The following CCDC18 variants were observed in gnomAD, a reference collection of about 807,000 sequenced individuals.
The protein encoded by CCDC18 is coiled-coil domain-containing protein 18.
Under a neutral mutation model 196.0 loss-of-function variants are expected in CCDC18, and 157 were observed. The observed-to-expected ratio is 0.80, with a 90% CI of 0.70 to 0.91. CCDC18 has a LOEUF of 0.91. CCDC18 is among the 40% of genes least tolerant of loss of function. The probability of loss-of-function intolerance (pLI) is 0.00; values close to 1 mark genes in which losing one functional copy is unlikely to be tolerated. For missense variants in CCDC18, 1,465 were observed against 1,611.6 expected (o/e 0.91, Z 1.56); for synonymous variants, 482 against 529.2 (o/e 0.91, Z 1.22).
intron 21 of CCDC18, among the ~76,000 whole-genome samples, chr1:93,244,491 T>G (rs982414063): frequency 6.6e-6 from 1 of 152,224 alleles, no homozygotes; most frequent in Non-Finnish European, 1.5e-5. Context: ...ATTCCATTTA[T>G]ATGAAATATT....
chr1:93,225,073 G>A (rs1658063622), intron 16 of CCDC18, among the ~76,000 whole-genome samples: 2 of 152,124 alleles, frequency 1.3e-5, no homozygotes, highest in South Asian at 2.1e-4. Context: ...ATTTCATGAT[G>A]TAGAATAGAA....
chr1:93,255,657 G>C (rs928542140), intron 24 of CCDC18, among the ~76,000 whole-genome samples: 2 of 152,048 alleles, frequency 1.3e-5, no homozygotes, highest in African/African-American at 4.8e-5. Flanking sequence ...GATTGCTTGA[G>C]CCTGGGAGGT....
At chr1:93,180,198 G>T, upstream of CCDC18, 1 of 1,613,258 alleles carries the variant, frequency 6.2e-7, no homozygotes, top group Non-Finnish European at 8.5e-7. Flanking sequence ...GAGGCAGAGC[G>T]GCCAGAAGGA....
At chr1:93,211,868 G>A (rs2102005738) in intron 10 of CCDC18, among the ~76,000 whole-genome samples, 1 of 152,048 alleles carries the variant, frequency 6.6e-6, no homozygotes, top group East Asian at 1.9e-4. Context: ...GAAATTGCTG[G>A]GTCATACAGT....
At chr1:93,271,757 T>C (rs191009557) in intron 28 of CCDC18, among the ~76,000 whole-genome samples, 354 of 152,358 alleles carry the variant, frequency 2.3e-3, no homozygotes, top group Non-Finnish European at 4.0e-3. Context: ...GTCTCTTGAA[T>C]ATTAAATTTA....
intron 19 of CCDC18, among the ~76,000 whole-genome samples, chr1:93,237,410 A>G (rs1179121284): frequency 4.6e-5 from 7 of 152,084 alleles, no homozygotes; most frequent in African/African-American, 1.7e-4. Context: ...ACTAATTCCC[A>G]AAAAACTCTC....
intron 27 of CCDC18, among the ~76,000 whole-genome samples, chr1:93,265,413 G>A (rs942773478): frequency 4.3e-4 from 66 of 152,226 alleles, no homozygotes; most frequent in African/African-American, 1.5e-3. Context: ...TTAATTTAAT[G>A]TATTCAGTGT....
chr1:93,275,474 A>C (rs1665572898), intron 28 of CCDC18, among the ~76,000 whole-genome samples: 1 of 152,204 alleles, frequency 6.6e-6, no homozygotes, highest in Non-Finnish European at 1.5e-5. Flanking sequence ...TCCTCGGCTT[A>C]TTTCACCTGC....
intron 24 of CCDC18, 76 bp downstream of exon 24, chr1:93,254,690 G>C: frequency 7.1e-7 from 1 of 1,411,198 alleles, no homozygotes; most frequent in Admixed American, 2.1e-5. Flanking sequence ...TTTTAAACTG[G>C]TTGGTTTTAA....
At chr1:93,197,508 A>G (rs1389360194) in intron 6 of CCDC18, among the ~76,000 whole-genome samples, 1 of 151,978 alleles carries the variant, frequency 6.6e-6, no homozygotes, top group Non-Finnish European at 1.5e-5. Flanking sequence ...CTGAATAAAT[A>G]TATGTGTGTG....
chr1:93,270,990 G>C, intron 28 of CCDC18, 176 bp downstream of exon 28: 2 of 983,298 alleles, frequency 2.0e-6, no homozygotes, highest in Non-Finnish European at 2.4e-6. Flanking sequence ...CTATTGCATG[G>C]TGTGAGACAA....
chr1:93,191,231 A>G (rs1651731697), intron 4 of CCDC18, among the ~76,000 whole-genome samples: 1 of 152,080 alleles, frequency 6.6e-6, no homozygotes, highest in African/African-American at 2.4e-5. Flanking sequence ...GCTGTACTTC[A>G]TTCCTGCTCA....
intron 14 of CCDC18, 69 bp from the exon 15 acceptor site, chr1:93,221,540 T>A: frequency 9.5e-7 from 1 of 1,049,142 alleles, no homozygotes; most frequent in Non-Finnish European, 1.3e-6. Flanking sequence ...TAGTGTCACA[T>A]GTATTTAATA....
At chr1:93,203,616 C>A (rs1172526283) in intron 7 of CCDC18, among the ~76,000 whole-genome samples, 1 of 152,092 alleles carries the variant, frequency 6.6e-6, no homozygotes, top group Non-Finnish European at 1.5e-5. Context: ...GGTGATAGAA[C>A]ATTTTAAAAA....
intron 6 of CCDC18, among the ~76,000 whole-genome samples, chr1:93,201,030 C>T (rs987313657): frequency 2.6e-5 from 4 of 152,268 alleles, no homozygotes; most frequent in Admixed American, 6.5e-5. Context: ...GTCAAATAGA[C>T]GTACTTAACC....
intron 14 of CCDC18, among the ~76,000 whole-genome samples, chr1:93,218,348 C>T (rs1239035929): frequency 6.6e-6 from 1 of 152,170 alleles, no homozygotes; most frequent in Non-Finnish European, 1.5e-5. Context: ...TTTTCCTATA[C>T]ATACATACCT....
At chr1:93,249,626 A>G (rs1394910916) in intron 23 of CCDC18, among the ~76,000 whole-genome samples, 2 of 152,202 alleles carry the variant, frequency 1.3e-5, no homozygotes, top group African/African-American at 4.8e-5. Context: ...GGAATTATCC[A>G]GAATACATAA....
In CCDC18 at chr1:93,228,507, T is replaced by TA. The variant is rs34585083; in HGVS notation, c.2292+2075dup. 5.4e-3 allele frequency among the ~76,000 whole-genome samples: 762 copies of TA among 141,610 alleles called. 1 individual carries two copies. The highest frequency in any genetic ancestry group is 7.1e-3 in the Middle Eastern group (2 of 282). The allele number at this position is 141,610 out of a possible 152,430, so 92.9% of individuals were successfully genotyped here. On this transcript the variant is annotated intron_variant, in intron 17 of 28. Transcript: ENST00000690025. ...AAGTAATTATATAGCCTTAGAAGTT[T>TA]AAAAAAAAAAAAAAAAACTTCAGAT...
intron 25 of CCDC18, among the ~76,000 whole-genome samples, chr1:93,256,794 T>A (rs541022049): frequency 1.2e-4 from 18 of 152,188 alleles, no homozygotes; most frequent in Non-Finnish European, 2.5e-4. Context: ...CCTTCAGAAC[T>A]GAGTTTTGGC....
Sources: gnomAD v4.1 joint callset for allele counts (sites outside exome capture counted in the v4.1 genomes callset) on GRCh38, gnomAD v4.1.1 for gene constraint, MANE v1.5 for transcripts, NCBI Gene and HGNC (gene_info 2026-07-23, HGNC 2026-07-21) for gene names.